The following BHLHE40 variants were observed in gnomAD, a reference collection of about 807,000 sequenced individuals.
BHLHE40 encodes the protein basic helix-loop-helix family member e40, also known as class E basic helix-loop-helix protein 40.
BHLHE40 carries 3 observed loss-of-function variants against 35.7 expected under a neutral mutation model. The ratio of observed to expected loss-of-function variants is 0.08; its 90% confidence interval spans 0.04 to 0.22. The LOEUF (loss-of-function observed/expected upper bound fraction) is 0.22. Among genes scored for constraint, BHLHE40 ranks in the 10% least tolerant of loss-of-function variants. The pLI is 1.00. For missense variants in BHLHE40, 486 were observed against 524.0 expected, an observed-to-expected ratio of 0.93 and a Z score of 0.71; for synonymous variants, 236 against 213.0, an observed-to-expected ratio of 1.11 and a Z score of -0.94.
chr3:4,979,585 C>A lies in BHLHE40; in HGVS notation c.-134C>A, dbSNP rs2053170333. On this transcript the variant is annotated 5_prime_UTR_variant, in exon 1 of 5. Transcript: ENST00000256495. Reference sequence around the variant, plus strand: ...TCTCAAAGCCGAAGATTCCAGCAGCCCAGGGGATTTCAAAGAGCTCAGACT... The same window carrying A: ...TCTCAAAGCCGAAGATTCCAGCAGCACAGGGGATTTCAAAGAGCTCAGACT... 2.2e-6 allele frequency: 2 copies of A among 919,570 alleles called. No homozygotes were observed. Among genetic ancestry groups the A allele is most frequent in the Non-Finnish European group, 3.3e-6 (2 of 612,740 alleles). 57.0% of individuals were successfully genotyped at this position (919,570 alleles called of 1,614,324 possible). A position where few individuals can be genotyped will look rare whatever the true frequency, so the allele number is the denominator to read the frequency against.
In BHLHE40 at chr3:4,980,015, G is replaced by A; in HGVS notation, c.134G>A (p.Arg45Gln). 1 of 1,614,132 alleles carries A rather than the reference G, an allele frequency of 6.2e-7. No homozygotes were observed. Among genetic ancestry groups the A allele is most frequent in the Non-Finnish European group, 8.5e-7 (1 of 1,180,012 alleles). Residue 45 changes from arginine to glutamine, a missense_variant, in exon 2 of 5, where the codon CGG becomes CAG. Around this residue, in one of 5 missense-constraint regions of BHLHE40, gnomAD observed 87 missense variants for 66.7 expected, o/e 1.30. Transcript: ENST00000256495. ...TACAAGTCAAGACGGGGAATAAAGC[G>A]GAGCGAGGACAGCAAGGTAAGCAAG... ...QVYKSRRGIK[R>Q]SEDSKETYKL...
intron 2 of BHLHE40, 105 bp from the exon 3 acceptor site, chr3:4,980,196 T>C (rs963629490): frequency 1.7e-5 from 20 of 1,143,650 alleles, no homozygotes; most frequent in African/African-American, 1.4e-4. Context: ...TTCTGGGTGC[T>C]ACTCTGCTAC....
At chr3:4,979,898 C>T in intron 1 of BHLHE40, 64 bp from the exon 2 acceptor site, 1 of 1,609,574 alleles carries the variant, frequency 6.2e-7, no homozygotes, top group Non-Finnish European at 8.5e-7. Context: ...GAGGTTCTTG[C>T]CCGGCAGAAC....
Position 4,983,091 on chromosome 3 carries a change from A to T in BHLHE40, c.638A>T (p.Glu213Val). The part of the protein sequence containing the change: ...EKPSSPAKGS[E>V]GPGKNCVPVI... ...CCCAGCTCTCCGGCCAAAGGTTCGG[A>T]AGGTCCTGGGAAAAACTGCGTGCCA... Residue 213 changes from glutamate to valine, a missense_variant, in exon 5 of 5, where the codon GAA becomes GTA. Physicochemically the swap from Glu to Val is moderately radical, Grantham distance 121 (BLOSUM62 -2). Transcript: ENST00000256495. The surrounding 1 kb of genome is among the most constrained non-coding windows in gnomAD (Gnocchi z 5.0). 1 of 1,614,136 alleles carries T rather than the reference A, an allele frequency of 6.2e-7. No homozygotes were observed. Among genetic ancestry groups the T allele is most frequent in the Non-Finnish European group, 8.5e-7 (1 of 1,180,016 alleles).
At position 4,983,857 on chromosome 3, in the gene BHLHE40, T is replaced by TGC; in HGVS notation, c.*166_*167insCG. On this transcript the variant is annotated 3_prime_UTR_variant, in exon 5 of 5. Transcript: ENST00000256495. This position sits in a 1 kb window ranked among gnomAD's most constrained non-coding sequence, Gnocchi z 5.0. ...GTGTGTGTGTGTGTGTGTGTGTGTA[T>TGC]GTGCGTGTGCGTGCACATGTGTGCC... 2.1e-6 allele frequency: 2 copies of TGC among 947,362 alleles called. No homozygotes were observed. Among genetic ancestry groups the TGC allele is most frequent in the Non-Finnish European group, 3.1e-6 (2 of 648,986 alleles). The allele number at this position is 947,362 out of a possible 1,614,324, so 58.7% of individuals were successfully genotyped here.
rs1014203732 is a variant in BHLHE40 at position 4,983,874 on chromosome 3, A to T, written c.*182A>T. On this transcript the variant is annotated 3_prime_UTR_variant, in exon 5 of 5. Transcript: ENST00000256495. The surrounding 1 kb of genome is among the most constrained non-coding windows in gnomAD (Gnocchi z 5.0). Reference sequence around the variant, plus strand: ...TGTGTGTATGTGCGTGTGCGTGCACATGTGTGCCTGCGTGTTGGTATAGGA... The same window carrying T: ...TGTGTGTATGTGCGTGTGCGTGCACTTGTGTGCCTGCGTGTTGGTATAGGA... The T allele has an allele frequency of 1.3e-6, 1 of 771,454 alleles. No homozygotes were observed. Among genetic ancestry groups the T allele is most frequent in the Non-Finnish European group, 2.0e-6 (1 of 506,526 alleles). The allele number at this position is 771,454 out of a possible 1,614,324, so 47.8% of individuals were successfully genotyped here.
At position 4,984,856 on chromosome 3, in the gene BHLHE40, T is replaced by G. The variant is rs2053233298; in HGVS notation, c.*1164T>G. On this transcript the variant is annotated 3_prime_UTR_variant, in exon 5 of 5. Transcript: ENST00000256495. ...CTGATTGCTGATCGTGTTTTAACTT[T>G]TTCTTTTCCTGTTTTTATTTTGGTA... 6.6e-6 allele frequency: 1 copy of G among 152,596 alleles called. No individual in the cohort carries two copies. The highest frequency in any genetic ancestry group is 2.1e-4 in the South Asian group (1 of 4,836). 9.5% of individuals were successfully genotyped at this position (152,596 alleles called of 1,614,324 possible).
chr3:4,980,205 A>C (rs973610988), intron 2 of BHLHE40, 96 bp from the exon 3 acceptor site: 19 of 1,225,028 alleles, frequency 1.6e-5, no homozygotes, highest in African/African-American at 1.0e-4. Flanking sequence ...CTACTCTGCT[A>C]CTCTGCTCCT....
intron 3 of BHLHE40, among the ~76,000 whole-genome samples, 197 bp from the exon 4 acceptor site, chr3:4,981,174 TTATATATATATACACACACAC>T (rs2053191621): frequency 1.4e-5 from 1 of 71,324 alleles, no homozygotes; most frequent in Non-Finnish European, 3.3e-5. Flanking sequence ...TATATATATA[TTATATATATATACACACACAC>T]ACACACACAC....
intron 3 of BHLHE40, 126 bp downstream of exon 3, chr3:4,980,534 C>G (rs1172430886): frequency 1.3e-6 from 1 of 749,732 alleles, no homozygotes; most frequent in African/African-American, 1.8e-5. Flanking sequence ...GCGGGTGGCT[C>G]TGCGGTGGGG....
Position 4,979,703 on chromosome 3 carries a change from C to G in BHLHE40, c.-16C>G. The G allele has an allele frequency of 6.4e-7, 1 of 1,551,800 alleles. No individual in the cohort carries two copies. Among genetic ancestry groups the G allele is most frequent in the Non-Finnish European group, 8.7e-7 (1 of 1,147,678 alleles). ...AGTGCAGACAGGAGCGCGCAGTGGC[C>G]CCGGCTCGCCGCGCCATGGAGCGGA... is the stretch of plus-strand genomic sequence containing the variant. On this transcript the variant is annotated 5_prime_UTR_variant, in exon 1 of 5. Coordinates refer to ENST00000256495, the MANE Select transcript of BHLHE40 (RefSeq NM_003670.3).
At position 4,983,491 on chromosome 3, in the gene BHLHE40, C is replaced by G. The variant is rs536839492; in HGVS notation, c.1038C>G (p.Thr346=). 12 of 1,614,180 alleles carry G rather than the reference C, an allele frequency of 7.4e-6. No individual in the cohort carries two copies. The highest frequency in any genetic ancestry group is 1.6e-4 in the Middle Eastern group (1 of 6,062). The change falls in exon 5 of 5, where the codon ACC becomes ACG. Residue 346 remains threonine, a synonymous_variant. Transcript: ENST00000256495. The surrounding 1 kb of genome is among the most constrained non-coding windows in gnomAD (Gnocchi z 5.0). ...TGCTGGAGAAGTGCTGGTATCCCAC[C>G]TCAGTGCCAGTGCTATACCCAGGCC... ...LPMLEKCWYP[T]SVPVLYPGLN...
rs974932774 is a variant in BHLHE40 at position 4,979,603 on chromosome 3, C to T, written c.-116C>T. On this transcript the variant is annotated 5_prime_UTR_variant, in exon 1 of 5. Transcript: ENST00000256495. ...CAGCAGCCCAGGGGATTTCAAAGAG[C>T]TCAGACTCAGAGGAACATCTGCGGA... 18 of 1,089,538 alleles carry T rather than the reference C, an allele frequency of 1.7e-5. No homozygotes were observed. In the African/African-American group the frequency reaches 2.2e-4, roughly 13 times the overall value. The allele number at this position is 1,089,538 out of a possible 1,614,324, so 67.5% of individuals were successfully genotyped here. A position where few individuals can be genotyped will look rare whatever the true frequency, so the allele number is the denominator to read the frequency against.
chr3:4,979,902 G>A lies in BHLHE40; in HGVS notation c.81-60G>A, dbSNP rs541303528. On this transcript the variant is annotated intron_variant, in intron 1 of 4. Coordinates refer to ENST00000256495, the MANE Select transcript of BHLHE40 (RefSeq NM_003670.3). ...GGGCGCACCGGGAGGTTCTTGCCCGGCAGAACGCCTGCAGCCGTGCGCAAG... is the reference window on the plus strand; with the variant it reads ...GGGCGCACCGGGAGGTTCTTGCCCGACAGAACGCCTGCAGCCGTGCGCAAG... 2.5e-6 allele frequency: 4 copies of A among 1,609,894 alleles called. No homozygotes were observed. The Admixed American group carries it at 5.0e-5, about 20-fold the overall frequency.
chr3:4,980,790 AC>A (rs1305009317), intron 3 of BHLHE40, among the ~76,000 whole-genome samples: 62 of 151,706 alleles, frequency 4.1e-4, no homozygotes, highest in Non-Finnish European at 2.9e-5. Context: ...AAATAAGGGG[AC>A]TTGCTTTGGT....
chr3:4,982,690 C>T, intron 4 of BHLHE40, 146 bp from the exon 5 acceptor site: 3 of 912,302 alleles, frequency 3.3e-6, no homozygotes, highest in Non-Finnish European at 5.0e-6. Flanking sequence ...CTTCTCTGAG[C>T]ATACTACTTT....
chr3:4,985,321 A>C lies in BHLHE40; in HGVS notation c.*1629A>C, dbSNP rs898814892. 1.3e-5 allele frequency: 2 copies of C among 152,196 alleles called. No individual in the cohort carries two copies. Among genetic ancestry groups the C allele is most frequent in the African/African-American group, 4.8e-5 (2 of 41,440 alleles). 9.4% of individuals were successfully genotyped at this position (152,196 alleles called of 1,614,324 possible). A position where few individuals can be genotyped will look rare whatever the true frequency, so the allele number is the denominator to read the frequency against. ...TTCATGTGCTTTGTATTCAATCAGA[A>C]TAAGCTTAGTCAACCTGGCAGGTAA... On this transcript the variant is annotated 3_prime_UTR_variant, in exon 5 of 5. Transcript: ENST00000256495.
rs1472585923 is a variant in BHLHE40, at chr3:4,984,488, G to A, written c.*796G>A. 6.6e-6 allele frequency: 1 copy of A among 152,346 alleles called. No homozygotes were observed. Among genetic ancestry groups the A allele is most frequent in the Non-Finnish European group, 1.5e-5 (1 of 68,190 alleles). 9.4% of individuals were successfully genotyped at this position (152,346 alleles called of 1,614,324 possible). A position where few individuals can be genotyped will look rare whatever the true frequency, so the allele number is the denominator to read the frequency against. ...CCTAACCATTAGTACTTACTGTGCAGGGAACCAAACCAAGGTCTGAGAAAT... is the reference window on the plus strand; with the variant it reads ...CCTAACCATTAGTACTTACTGTGCAAGGAACCAAACCAAGGTCTGAGAAAT... On this transcript the variant is annotated 3_prime_UTR_variant, in exon 5 of 5. Coordinates refer to ENST00000256495, the MANE Select transcript of BHLHE40 (RefSeq NM_003670.3).
At position 4,984,041 on chromosome 3, in the gene BHLHE40, G is replaced by C. The variant is rs192013328; in HGVS notation, c.*349G>C. On this transcript the variant is annotated 3_prime_UTR_variant, in exon 5 of 5. Coordinates refer to ENST00000256495, the MANE Select transcript of BHLHE40 (RefSeq NM_003670.3). ...ATACACATCAGCTGGATTTTCAAAA[G>C]CTTCAAAGTCTTGGTCTGTGAGTCA... 3.4e-3 allele frequency: 750 copies of C among 217,468 alleles called. 5 individuals carry two copies. Among genetic ancestry groups the C allele is most frequent in the Non-Finnish European group, 5.8e-3 (629 of 109,340 alleles). The allele number at this position is 217,468 out of a possible 1,614,324, so 13.5% of individuals were successfully genotyped here. A position where few individuals can be genotyped will look rare whatever the true frequency, so the allele number is the denominator to read the frequency against.
Sources: gnomAD v4.1 joint callset for allele counts (sites outside exome capture counted in the v4.1 genomes callset) on GRCh38, gnomAD v4.1.1 for gene constraint, gnomAD v4.1.1 regional missense constraint, Gnocchi (gnomAD v3.1) non-coding constraint, MANE v1.5 for transcripts, NCBI Gene and HGNC (gene_info 2026-07-23, HGNC 2026-07-21) for gene names.